Variants in ZDHHC7 observed in about 807,000 individuals in gnomAD.
The protein encoded by ZDHHC7 is palmitoyltransferase ZDHHC7.
ZDHHC7 carries 12 observed loss-of-function variants against 34.1 expected under a neutral mutation model. The observed-to-expected ratio is 0.35, with a 90% CI of 0.23 to 0.57. ZDHHC7 has a LOEUF of 0.57. ZDHHC7 is among the 20% of genes least tolerant of loss of function. The probability of loss-of-function intolerance (pLI) is 0.84; values close to 1 mark genes in which losing one functional copy is unlikely to be tolerated. For synonymous variants in ZDHHC7, 185 were observed against 155.4 expected, an observed-to-expected ratio of 1.19 and a Z score of -1.42; for missense variants, 388 against 402.7, an observed-to-expected ratio of 0.96 and a Z score of 0.31.
At chr16:85,004,459 G>A (rs7499539) in intron 1 of ZDHHC7, among the ~76,000 whole-genome samples, 64,284 of 151,478 alleles carry the variant, frequency 0.42, 15,538 homozygotes, top group African/African-American at 0.67. Context: ...TTCCACAGAC[G>A]TAAATCAGAT....
upstream of ZDHHC7, among the ~76,000 whole-genome samples, chr16:85,012,046 G>A (rs1009944999): frequency 6.6e-6 from 1 of 152,206 alleles, no homozygotes; most frequent in African/African-American, 2.4e-5. Context: ...CACCGCCACT[G>A]TCCCTTCCAT....
intron 2 of ZDHHC7, among the ~76,000 whole-genome samples, chr16:84,995,562 G>A (rs1294036901): frequency 6.6e-6 from 1 of 152,158 alleles, no homozygotes; most frequent in Non-Finnish European, 1.5e-5. Flanking sequence ...GGAGACAGAG[G>A]TCGCAGAGAG....
At chr16:84,978,358 AG>A (rs1305360911) in intron 5 of ZDHHC7, among the ~76,000 whole-genome samples, 1 of 152,220 alleles carries the variant, frequency 6.6e-6, no homozygotes, top group African/African-American at 2.4e-5. Context: ...ATCTTGTCAG[AG>A]AAAAAAATGA....
At chr16:84,983,161 G>C (rs1241865828) in intron 3 of ZDHHC7, among the ~76,000 whole-genome samples, 1 of 152,212 alleles carries the variant, frequency 6.6e-6, no homozygotes, top group Non-Finnish European at 1.5e-5. Context: ...CACAGATCTG[G>C]AGAATGAGAC....
intron 5 of ZDHHC7, among the ~76,000 whole-genome samples, chr16:84,978,723 G>A (rs981174793): frequency 3.3e-5 from 5 of 152,008 alleles, no homozygotes; most frequent in Admixed American, 6.6e-5. Flanking sequence ...TTAGCCAGGC[G>A]TGGTGGTACA....
intron 1 of ZDHHC7, among the ~76,000 whole-genome samples, chr16:84,997,641 C>T (rs1299640995): frequency 5.3e-5 from 8 of 151,102 alleles, no homozygotes; most frequent in Admixed American, 3.9e-4. Context: ...ACGCCTGTAA[C>T]CCCAGCACTT....
chr16:84,987,834 C>G (rs1020563955), intron 3 of ZDHHC7, among the ~76,000 whole-genome samples: 1 of 152,168 alleles, frequency 6.6e-6, no homozygotes, highest in Non-Finnish European at 1.5e-5. Flanking sequence ...CTGGTGAGAG[C>G]CAGGCACAAA....
At chr16:85,020,875 G>C in the ZDHHC7 span, among the ~76,000 whole-genome samples, 2 of 151,586 alleles carry the variant, frequency 1.3e-5, no homozygotes, top group Non-Finnish European at 2.9e-5. Context: ...GAGGCTGAGC[G>C]GGGAGGATTA....
the ZDHHC7 span, among the ~76,000 whole-genome samples, chr16:85,025,511 C>T: frequency 9.2e-5 from 14 of 152,204 alleles, no homozygotes; most frequent in African/African-American, 3.1e-4. Flanking sequence ...CAGGTTCAAG[C>T]GATTCTCCTG....
chr16:84,997,484 A>G (rs1235077855), intron 1 of ZDHHC7, among the ~76,000 whole-genome samples: 1 of 149,878 alleles, frequency 6.7e-6, no homozygotes, highest in Non-Finnish European at 1.5e-5. Context: ...TGTTATCCAG[A>G]ATGGTCTCGA....
intron 3 of ZDHHC7, among the ~76,000 whole-genome samples, chr16:84,985,373 C>A (rs2072423044): frequency 6.6e-6 from 1 of 152,246 alleles, no homozygotes; most frequent in South Asian, 2.1e-4. Context: ...CCCTGTCATG[C>A]ATTCTGGATC....
At chr16:85,007,593 A>T (rs2072734952) in intron 1 of ZDHHC7, among the ~76,000 whole-genome samples, 1 of 151,924 alleles carries the variant, frequency 6.6e-6, no homozygotes, top group Non-Finnish European at 1.5e-5. Flanking sequence ...TAACAAGCAG[A>T]CCAAAGCAGA....
At position 84,978,013 on chromosome 16, in the gene ZDHHC7, G is replaced by C; in HGVS notation, c.538-8C>G. 6.3e-7 allele frequency: 1 copy of C among 1,598,950 alleles called. No individual in the cohort carries two copies. The highest frequency in any genetic ancestry group is 8.5e-7 in the Non-Finnish European group (1 of 1,170,292). ...AGACAGAGCTATATACATCTAGAATGAGGGGGAGATTGGTTAGTCACTTTT... is the reference window on the plus strand; with the variant it reads ...AGACAGAGCTATATACATCTAGAATCAGGGGGAGATTGGTTAGTCACTTTT... On this transcript the variant is annotated splice_region_variant and splice_polypyrimidine_tract_variant and intron_variant, in intron 5 of 7. Coordinates refer to ENST00000313732, the MANE Select transcript of ZDHHC7 (RefSeq NM_017740.3).
intron 3 of ZDHHC7, among the ~76,000 whole-genome samples, chr16:84,984,207 G>T (rs963949898): frequency 6.6e-6 from 1 of 151,910 alleles, no homozygotes; most frequent in African/African-American, 2.4e-5. Context: ...TTTTAGTAGA[G>T]ACGGGGTTTC....
intron 3 of ZDHHC7, among the ~76,000 whole-genome samples, chr16:84,988,243 C>A (rs1333662080): frequency 6.6e-6 from 1 of 151,316 alleles, no homozygotes; most frequent in South Asian, 2.1e-4. Flanking sequence ...CAGAGGGCGT[C>A]GGGTGGTGGG....
intron 1 of ZDHHC7, among the ~76,000 whole-genome samples, chr16:84,996,668 G>GAT (rs2072582271): frequency 1.3e-5 from 2 of 152,056 alleles, no homozygotes; most frequent in African/African-American, 4.8e-5. Flanking sequence ...CCTAAGTCAG[G>GAT]GGCCACAGGG....
chr16:84,976,267 G>C lies in ZDHHC7; in HGVS notation c.*76C>G. On this transcript the variant is annotated 3_prime_UTR_variant, in exon 8 of 8. Transcript: ENST00000313732. ...TCCAGTTGCCCTGTTGGTCACAGAT[G>C]AGCTGTTGATATCCTTCAGACCCCA... The C allele has an allele frequency of 6.4e-7, 1 of 1,567,916 alleles. No individual in the cohort carries two copies. Among genetic ancestry groups the C allele is most frequent in the African/African-American group, 1.4e-5 (1 of 72,420 alleles).
chr16:84,990,996 CCT>C (rs1361639118), intron 2 of ZDHHC7, among the ~76,000 whole-genome samples: 2 of 152,192 alleles, frequency 1.3e-5, no homozygotes, highest in African/African-American at 2.4e-5. Context: ...CGCCTGCTCC[CCT>C]GAGCCCCACC....
chr16:85,018,212 A>G, the ZDHHC7 span, among the ~76,000 whole-genome samples: 29,118 of 152,050 alleles, frequency 0.19, 2,975 homozygotes, highest in Admixed American at 0.29. Context: ...ACCCTGGATT[A>G]TTCTTGTCTC....
Sources: allele counts gnomAD v4.1 joint callset (sites outside exome capture counted in the v4.1 genomes callset), GRCh38; gene constraint gnomAD v4.1.1; transcripts MANE v1.5; gene names NCBI Gene and HGNC (gene_info 2026-07-23, HGNC 2026-07-21).